The following TENM4 variants were observed in gnomAD, a reference collection of about 807,000 sequenced individuals.
The protein encoded by TENM4 is teneurin-4.
A neutral mutation model predicts 243.3 loss-of-function variants in TENM4; 82 were observed. The ratio of observed to expected loss-of-function variants is 0.34; its 90% CI spans 0.28 to 0.40. The LOEUF (loss-of-function observed/expected upper bound fraction) is 0.40, where lower values mean the gene tolerates loss of function less well. TENM4 is among the 10% of genes least tolerant of loss of function. The probability of loss-of-function intolerance (pLI) is 1.00; values close to 1 mark genes in which losing one functional copy is unlikely to be tolerated. For missense variants in TENM4, 3,138 were observed against 3,673.3 expected, an observed-to-expected ratio of 0.85 and a Z score of 3.77; for synonymous variants, 1,412 against 1,456.3, an observed-to-expected ratio of 0.97 and a Z score of 0.69.
rs141448532 is a variant in TENM4, at chr11:78,793,374, C to T, written c.2180-6291G>A. On this transcript the variant is annotated intron_variant, in intron 15 of 33. Coordinates refer to ENST00000278550, the MANE Select transcript of TENM4 (RefSeq NM_001098816.3). ...CATGTGGAAACAGAGTCTTGCTCCCCGGGACCTCCTGGGAAGTCCTTTCAT... is the reference window on the plus strand; with the variant it reads ...CATGTGGAAACAGAGTCTTGCTCCCTGGGACCTCCTGGGAAGTCCTTTCAT... 3.0e-3 allele frequency among the ~76,000 whole-genome samples: 457 copies of T among 152,222 alleles called. 3 individuals are homozygous for T. The highest frequency in any genetic ancestry group is 0.01 in the African/African-American group (432 of 41,534).
chr11:79,153,529 T>C (rs891459432), intron 3 of TENM4, among the ~76,000 whole-genome samples: 3 of 152,106 alleles, frequency 2.0e-5, no homozygotes, highest in Admixed American at 6.6e-5. Context: ...CAAGACAACC[T>C]GTCTCCCTTC....
chr11:79,168,056 C>T (rs1336147397), intron 3 of TENM4, among the ~76,000 whole-genome samples: 1 of 152,204 alleles, frequency 6.6e-6, no homozygotes, highest in Non-Finnish European at 1.5e-5. Context: ...ATGGTTAGAT[C>T]ATTGTCTTGT....
intron 19 of TENM4, among the ~76,000 whole-genome samples, chr11:78,753,970 T>C (rs985684250): frequency 3.9e-5 from 6 of 152,248 alleles, no homozygotes; most frequent in Admixed American, 3.9e-4. Context: ...CTCTGGACTC[T>C]GAATCCTCAG....
intron 7 of TENM4, among the ~76,000 whole-genome samples, chr11:78,893,780 T>TACATACACACACACACACAC (rs1555097811): frequency 1.9e-3 from 274 of 142,752 alleles, no homozygotes; most frequent in African/African-American, 7.2e-3. Context: ...GGACTTCACA[T>TACATACACACACACACACAC]ACACACACAC....
chr11:79,232,137 C>T (rs1317667719), intron 2 of TENM4, among the ~76,000 whole-genome samples: 1 of 152,036 alleles, frequency 6.6e-6, no homozygotes, highest in Non-Finnish European at 1.5e-5. Flanking sequence ...ATAAATAAAA[C>T]CCCACTACTC....
intron 7 of TENM4, 101 bp from the exon 8 acceptor site, chr11:78,891,437 G>GT (rs1220331054): frequency 8.5e-6 from 9 of 1,061,474 alleles, no homozygotes; most frequent in African/African-American, 7.8e-5. Context: ...AGCTGTGTGC[G>GT]TAAGACCAGC....
intron 1 of TENM4, among the ~76,000 whole-genome samples, chr11:79,386,853 GA>G (rs1317724485): frequency 6.6e-6 from 1 of 151,614 alleles, no homozygotes; most frequent in East Asian, 1.9e-4. Flanking sequence ...AATCACTTTG[GA>G]AAATTGGCAG....
chr11:78,983,197 T>C (rs185135782), intron 6 of TENM4, among the ~76,000 whole-genome samples: 3 of 152,328 alleles, frequency 2.0e-5, no homozygotes, highest in East Asian at 3.9e-4. Flanking sequence ...TTGTTAGTCA[T>C]TCATGCATTC....
chr11:79,276,651 T>C (rs1165035380), intron 2 of TENM4, among the ~76,000 whole-genome samples: 2 of 152,060 alleles, frequency 1.3e-5, no homozygotes, highest in African/African-American at 4.8e-5. Context: ...GAGTAGAAGG[T>C]TACAGAACCC....
chr11:78,978,686 T>C, intron 6 of TENM4, among the ~76,000 whole-genome samples: 1 of 151,852 alleles, frequency 6.6e-6, no homozygotes, highest in East Asian at 1.9e-4. Context: ...GGCACTAGAT[T>C]GGGAAAAAAA....
intron 6 of TENM4, among the ~76,000 whole-genome samples, chr11:79,031,177 T>G (rs569667250): frequency 1.5e-4 from 23 of 152,216 alleles, no homozygotes; most frequent in Middle Eastern, 3.4e-3. Flanking sequence ...GATAAAGAGA[T>G]GTAAGGATAC....
rs531889353 is a variant in TENM4, at chr11:79,120,788, C to A, written c.-66+27922G>T. On this transcript the variant is annotated intron_variant, in intron 4 of 33. Coordinates refer to ENST00000278550, the MANE Select transcript of TENM4 (RefSeq NM_001098816.3). ...TTTCATGAATGGAGATGATCACAAC[C>A]AAAACCACTACCATAATAACTTACT... Among the ~76,000 whole-genome samples, 9 of 152,266 alleles carry A rather than the reference C, an allele frequency of 5.9e-5. 1 individual carries two copies. In the South Asian group the frequency reaches 1.9e-3, roughly 32 times the overall value.
chr11:78,659,958 C>T (rs187259647), intron 33 of TENM4, among the ~76,000 whole-genome samples: 14 of 152,368 alleles, frequency 9.2e-5, no homozygotes, highest in Admixed American at 8.5e-4. Flanking sequence ...CAATTATTTC[C>T]TAGAGTTTCA....
At position 78,670,019 on chromosome 11, in the gene TENM4, C is replaced by T. The variant is rs760654898; in HGVS notation, c.6326G>A (p.Arg2109His). Residue 2109 changes from arginine to histidine, a missense_variant, in exon 32 of 34, where the codon CGC (arginine) becomes CAC (histidine). By Grantham distance (29) the Arg-to-His change is conservative (BLOSUM62 0). Around this residue, in one of 2 missense-constraint regions of TENM4, gnomAD observed 2,467 missense variants for 3,059.1 expected, o/e 0.81. Transcript: ENST00000278550. ...TGTCTTGCCTGACACATCATCATAG[C>T]GATAGAGATCAATGGGCAGTGGGGT... ...NETPLPIDLY[R>H]YDDVSGKTEQ... is the part of the protein sequence containing the mutation. The T allele has an allele frequency of 9.3e-6, 15 of 1,613,726 alleles. No homozygotes were observed. Among genetic ancestry groups the T allele is most frequent in the East Asian group, 4.5e-5 (2 of 44,894 alleles).
chr11:78,733,273 C>T (rs888308291), intron 20 of TENM4, among the ~76,000 whole-genome samples: 1 of 152,188 alleles, frequency 6.6e-6, no homozygotes, highest in Non-Finnish European at 1.5e-5. Context: ...ACTGTGACAG[C>T]ATCTGGAGAG....
chr11:79,150,813 GT>G (rs571779832), intron 3 of TENM4, among the ~76,000 whole-genome samples: 8 of 152,230 alleles, frequency 5.3e-5, no homozygotes, highest in African/African-American at 1.4e-4. Flanking sequence ...AATTAGAAGT[GT>G]TTTTTTATAA....
intron 6 of TENM4, among the ~76,000 whole-genome samples, chr11:79,009,309 G>C (rs539899407): frequency 6.6e-6 from 1 of 152,212 alleles, no homozygotes; most frequent in South Asian, 2.1e-4. Context: ...CCTTTGGTTA[G>C]GTATGTGGGG....
intron 6 of TENM4, among the ~76,000 whole-genome samples, chr11:79,049,714 G>C (rs879921746): frequency 2.0e-5 from 3 of 152,212 alleles, no homozygotes; most frequent in African/African-American, 7.2e-5. Flanking sequence ...CCGGGAGATT[G>C]GAATTTGGTG....
Position 79,428,157 on chromosome 11 carries a change from T to C in TENM4, c.-321+12352A>G, listed in dbSNP as rs557322345. 6.2e-4 allele frequency among the ~76,000 whole-genome samples: 94 copies of C among 152,294 alleles called. 3 individuals are homozygous for C. The South Asian group carries it at 0.019, about 31-fold the overall frequency. On this transcript the variant is annotated intron_variant, in intron 1 of 33. Transcript: ENST00000278550. The stretch of plus-strand genomic sequence containing the variant: ...TCAGAAATGCAGGAGCTGAGGCCCA[T>C]GCTCCCACCCACTGAATCAGAACTT...
Sources: gnomAD v4.1 joint callset for allele counts (sites outside exome capture counted in the v4.1 genomes callset) on GRCh38, gnomAD v4.1.1 for gene constraint, gnomAD v4.1.1 regional missense constraint, MANE v1.5 for transcripts, NCBI Gene and HGNC (gene_info 2026-07-23, HGNC 2026-07-21) for gene names.